Variants in TANC2 observed in about 807,000 individuals in gnomAD.
TANC2 encodes protein TANC2.
TANC2 carries 26 observed loss-of-function variants against 210.5 expected under a neutral mutation model. That is an observed-to-expected ratio of 0.12 (90% CI 0.09 to 0.17). TANC2 has a LOEUF of 0.17. TANC2 is among the 10% of genes least tolerant of loss of function. The pLI is 1.00. For missense variants in TANC2, 2,129 were observed against 2,608.9 expected (o/e 0.82, Z 4.01); for synonymous variants, 931 against 967.1 (o/e 0.96, Z 0.69).
At chr17:63,352,837 C>A (rs1045352379) in intron 13 of TANC2, among the ~76,000 whole-genome samples, 2 of 152,046 alleles carry the variant, frequency 1.3e-5, no homozygotes, top group African/African-American at 2.4e-5. Flanking sequence ...AGGGACTGTT[C>A]TAGGGGCTGG....
intron 1 of TANC2, among the ~76,000 whole-genome samples, chr17:63,005,702 G>T (rs1348293414): frequency 6.6e-6 from 1 of 152,036 alleles, no homozygotes; most frequent in African/African-American, 2.4e-5. Context: ...TGTTCATGAG[G>T]TATGTTGGTC....
At chr17:63,307,621 A>G (rs528072863) in intron 9 of TANC2, among the ~76,000 whole-genome samples, 49 of 152,328 alleles carry the variant, frequency 3.2e-4, no homozygotes, top group South Asian at 8.3e-4. Flanking sequence ...TGAGTATAGA[A>G]CTGTCACATA....
chr17:63,388,852 C>G (rs2047869902), intron 16 of TANC2, 95 bp downstream of exon 16: 8 of 908,052 alleles, frequency 8.8e-6, no homozygotes, highest in Non-Finnish European at 1.2e-5. Context: ...TGATCTTTGA[C>G]TTGTCTTTCT....
chr17:63,098,511 G>GTATA (rs1286873668), intron 3 of TANC2, among the ~76,000 whole-genome samples: 3 of 72,614 alleles, frequency 4.1e-5, no homozygotes, highest in African/African-American at 1.9e-4. Context: ...CTCTCTCTCT[G>GTATA]TGTGTATATA....
In TANC2 at chr17:63,147,056, C is replaced by T. The variant is rs114527481; in HGVS notation, c.323-4214C>T. Among the ~76,000 whole-genome samples the T allele has an allele frequency of 3.7e-3, 558 of 152,076 alleles. 7 individuals are homozygous for T. Among genetic ancestry groups the T allele is most frequent in the African/African-American group, 0.013 (545 of 41,502 alleles). On this transcript the variant is annotated intron_variant, in intron 4 of 27. Transcript: ENST00000689528. ...CTGAAAAGAAATTCTAATAGCCAGG[C>T]GTGGGTGGCTCATGCCTGTAATCCC... is the stretch of plus-strand genomic sequence containing the variant.
At chr17:63,202,976 C>T (rs980556108) in intron 7 of TANC2, among the ~76,000 whole-genome samples, 4 of 152,098 alleles carry the variant, frequency 2.6e-5, no homozygotes, top group African/African-American at 9.7e-5. Context: ...TGTAAATATT[C>T]TTCACATTTT....
At chr17:63,389,159 A>C (rs2047882220) in intron 16 of TANC2, 149 bp from the exon 17 acceptor site, 2 of 681,960 alleles carry the variant, frequency 2.9e-6, no homozygotes, top group East Asian at 5.4e-5. Flanking sequence ...ACCAAAGGAA[A>C]AGAAAAAGGA....
intron 5 of TANC2, among the ~76,000 whole-genome samples, chr17:63,175,182 AG>A (rs2040532823): frequency 2.0e-5 from 3 of 152,242 alleles, no homozygotes; most frequent in Admixed American, 2.0e-4. Context: ...ATTTTACAAA[AG>A]AATAATAAAG....
chr17:63,204,912 C>T (rs1051925574), intron 7 of TANC2, among the ~76,000 whole-genome samples: 2 of 151,924 alleles, frequency 1.3e-5, no homozygotes, highest in African/African-American at 4.8e-5. Context: ...TGGTGAAACC[C>T]CATCTCCACT....
In TANC2 at chr17:63,190,965, C is replaced by T. The variant is rs574316378; in HGVS notation, c.434-3026C>T. Among the ~76,000 whole-genome samples, 10 of 152,136 alleles carry T rather than the reference C, an allele frequency of 6.6e-5. No individual in the cohort carries two copies. The South Asian group carries it at 2.1e-3, about 32-fold the overall frequency. On this transcript the variant is annotated intron_variant, in intron 5 of 27. Transcript: ENST00000689528. ...CCATTAAATCCTCCCTTTTAGTGATCTTCAAATGGCCCTATTGTTAATTGT... is the reference window on the plus strand; with the variant it reads ...CCATTAAATCCTCCCTTTTAGTGATTTTCAAATGGCCCTATTGTTAATTGT...
At chr17:63,392,268 A>G (rs946549878) in intron 17 of TANC2, among the ~76,000 whole-genome samples, 2 of 152,178 alleles carry the variant, frequency 1.3e-5, no homozygotes, top group Non-Finnish European at 2.9e-5. Context: ...GTAGTTTCAC[A>G]TTTGTAACTG....
chr17:63,113,323 G>A (rs1010133540), intron 4 of TANC2, among the ~76,000 whole-genome samples: 4 of 152,000 alleles, frequency 2.6e-5, no homozygotes, highest in Non-Finnish European at 2.9e-5. Flanking sequence ...TAATAAACAC[G>A]TGGCATGGCA....
At chr17:63,104,073 T>A (rs1248262979) in intron 4 of TANC2, among the ~76,000 whole-genome samples, 1 of 152,112 alleles carries the variant, frequency 6.6e-6, no homozygotes, top group Non-Finnish European at 1.5e-5. Flanking sequence ...ATCTAGTATA[T>A]CAATTAAGAT....
intron 9 of TANC2, among the ~76,000 whole-genome samples, chr17:63,296,050 C>T (rs554147315): frequency 1.3e-5 from 2 of 152,226 alleles, no homozygotes; most frequent in South Asian, 4.2e-4. Flanking sequence ...ATCAAGGGCT[C>T]TCAGATGCCC....
chr17:63,222,384 TA>T (rs1422759710), intron 7 of TANC2, among the ~76,000 whole-genome samples: 1 of 152,190 alleles, frequency 6.6e-6, no homozygotes, highest in African/African-American at 2.4e-5. Context: ...TATCAATTTT[TA>T]AAAAATGGAA....
chr17:63,389,810 A>C, intron 17 of TANC2: 2 of 453,474 alleles, frequency 4.4e-6, no homozygotes, highest in East Asian at 4.4e-5. Context: ...AACAACCCAG[A>C]AATGATCTAT....
At chr17:63,092,706 T>G (rs931167601) in intron 3 of TANC2, among the ~76,000 whole-genome samples, 8 of 151,870 alleles carry the variant, frequency 5.3e-5, no homozygotes, top group Non-Finnish European at 1.0e-4. Context: ...GATACATACT[T>G]TTAAATGACC....
intron 3 of TANC2, among the ~76,000 whole-genome samples, chr17:63,078,765 T>A (rs2036660319): frequency 6.6e-6 from 1 of 152,170 alleles, no homozygotes; most frequent in South Asian, 2.1e-4. Context: ...TTTCTGTAGG[T>A]TGAATCATTT....
chr17:63,031,602 G>A (rs1161248382), intron 2 of TANC2, among the ~76,000 whole-genome samples: 1 of 152,014 alleles, frequency 6.6e-6, no homozygotes, highest in East Asian at 1.9e-4. Context: ...AGCTTCCAGT[G>A]GATTCATGCT....
Sources: allele counts gnomAD v4.1 joint callset (sites outside exome capture counted in the v4.1 genomes callset), GRCh38; gene constraint gnomAD v4.1.1; transcripts MANE v1.5; gene names NCBI Gene and HGNC (gene_info 2026-07-23, HGNC 2026-07-21).